LRRC7: variants seen among roughly 807,000 people sequenced by gnomAD.
LRRC7 encodes leucine-rich repeat-containing protein 7.
Under a neutral mutation model 175.7 loss-of-function variants are expected in LRRC7, and 23 were observed. The ratio of observed to expected loss-of-function variants is 0.13; its 90% CI spans 0.09 to 0.19. LRRC7 has a LOEUF of 0.19. LRRC7 is among the 10% of genes least tolerant of loss of function. LRRC7 has a pLI of 1.00. For synonymous variants in LRRC7, 685 were observed against 680.9 expected, an observed-to-expected ratio of 1.01 and a Z score of -0.09; for missense variants, 1,354 against 1,904.7, an observed-to-expected ratio of 0.71 and a Z score of 5.38.
At chr1:69,907,401 C>T (rs891898120) in intron 7 of LRRC7, among the ~76,000 whole-genome samples, 24 of 152,134 alleles carry the variant, frequency 1.6e-4, no homozygotes, top group African/African-American at 5.6e-4. Context: ...GTGGGTTTGT[C>T]ATAGATAGCT....
intron 1 of LRRC7, among the ~76,000 whole-genome samples, chr1:69,612,623 T>C (rs1231323701): frequency 6.6e-6 from 1 of 152,030 alleles, no homozygotes; most frequent in African/African-American, 2.4e-5. Flanking sequence ...TGAAGGAACA[T>C]GTAAGGAATT....
At chr1:69,781,924 G>GAAAGAAAGAA (rs776891138) in intron 3 of LRRC7, among the ~76,000 whole-genome samples, 3,916 of 139,386 alleles carry the variant, frequency 0.028, 288 homozygotes, top group African/African-American at 0.1. Context: ...AAGAAAGAAA[G>GAAAGAAAGAA]AAAGAAAGAA....
intron 24 of LRRC7, among the ~76,000 whole-genome samples, chr1:70,078,786 A>G (rs1357046679): frequency 1.3e-5 from 2 of 148,474 alleles, no homozygotes; most frequent in Admixed American, 6.7e-5. Flanking sequence ...ATACAGTTCT[A>G]CATATACGCG....
chr1:69,892,312 A>G (rs1428165955), intron 7 of LRRC7, among the ~76,000 whole-genome samples: 1 of 152,186 alleles, frequency 6.6e-6, no homozygotes, highest in Non-Finnish European at 1.5e-5. Context: ...AAAAGTGGAA[A>G]GGTAGGGTGA....
Position 69,592,064 on chromosome 1 carries a change from G to A in LRRC7, c.2+23423G>A, listed in dbSNP as rs577447485. Among the ~76,000 whole-genome samples, 5 of 152,094 alleles carry A rather than the reference G, an allele frequency of 3.3e-5. No homozygotes were observed. In the South Asian group the frequency reaches 6.2e-4, roughly 19 times the overall value. On this transcript the variant is annotated intron_variant, in intron 1 of 26. Coordinates refer to ENST00000651989, the MANE Select transcript of LRRC7 (RefSeq NM_001370785.2). ...CCTTATAGTCTACAGGAGAATAAAG[G>A]CAATTACATTACTTTGTGCTGCTTG...
intron 11 of LRRC7, among the ~76,000 whole-genome samples, chr1:69,999,154 G>A (rs2101923861): frequency 6.6e-6 from 1 of 152,318 alleles, no homozygotes; most frequent in East Asian, 1.9e-4. Context: ...CCTGGTAGTT[G>A]AATTGTAAAT....
At chr1:69,677,010 C>T (rs188239783) in intron 1 of LRRC7, among the ~76,000 whole-genome samples, 18 of 151,996 alleles carry the variant, frequency 1.2e-4, no homozygotes, top group African/African-American at 4.3e-4. Context: ...TTAGTTCTTA[C>T]ACTTAAAAGT....
In LRRC7 at chr1:70,036,250, A is replaced by G. The variant is rs201997047; in HGVS notation, c.2107+18A>G. 3.1e-4 allele frequency: 491 copies of G among 1,586,502 alleles called. 6 individuals are homozygous for G. The South Asian group carries it at 4.8e-3, about 16-fold the overall frequency. On this transcript the variant is annotated intron_variant, in intron 19 of 26. Transcript: ENST00000651989. ...CAAAAAAGGTAACACTGTGAACCCAATGTGGAAAATATGCTACAAATGCAT... is the reference window on the plus strand; with the variant it reads ...CAAAAAAGGTAACACTGTGAACCCAGTGTGGAAAATATGCTACAAATGCAT...
chr1:69,740,361 C>T (rs1668580822), intron 2 of LRRC7, among the ~76,000 whole-genome samples: 1 of 152,024 alleles, frequency 6.6e-6, no homozygotes, highest in African/African-American at 2.4e-5. Flanking sequence ...TTCCTTCTTC[C>T]TCTACTTATA....
At chr1:69,876,176 T>A (rs12119487) in intron 7 of LRRC7, among the ~76,000 whole-genome samples, 4,128 of 152,226 alleles carry the variant, frequency 0.027, 87 homozygotes, top group Non-Finnish European at 0.041. Flanking sequence ...ATTTCATAAC[T>A]GTATTCTACC....
chr1:70,044,511 T>A (rs1660179435), intron 22 of LRRC7, among the ~76,000 whole-genome samples: 1 of 152,198 alleles, frequency 6.6e-6, no homozygotes, highest in Non-Finnish European at 1.5e-5. Flanking sequence ...GGATTTCAAC[T>A]GATTCTTTTG....
intron 5 of LRRC7, among the ~76,000 whole-genome samples, chr1:69,827,859 A>G (rs1404857754): frequency 1.3e-5 from 2 of 152,188 alleles, no homozygotes. Flanking sequence ...GATTAATTCT[A>G]TTTAGGTGTA....
chr1:69,579,794 CTTTTT>C (rs71242784), intron 1 of LRRC7, among the ~76,000 whole-genome samples: 2 of 127,180 alleles, frequency 1.6e-5, no homozygotes, highest in African/African-American at 6.1e-5. Context: ...TGAATAGAAG[CTTTTT>C]TTTTTTTTTT....
intron 18 of LRRC7, among the ~76,000 whole-genome samples, chr1:70,035,741 A>G (rs1343231921): frequency 6.6e-6 from 1 of 152,130 alleles, no homozygotes; most frequent in South Asian, 2.1e-4. Context: ...TGTGTGAATC[A>G]TACTGCTCAT....
intron 8 of LRRC7, among the ~76,000 whole-genome samples, chr1:69,950,831 C>T (rs1467828051): frequency 6.6e-6 from 1 of 151,958 alleles, no homozygotes; most frequent in Non-Finnish European, 1.5e-5. Context: ...GAGAAATAAT[C>T]TGCTATGTTG....
At chr1:69,658,697 A>T (rs1299194276) in intron 1 of LRRC7, among the ~76,000 whole-genome samples, 2 of 152,102 alleles carry the variant, frequency 1.3e-5, no homozygotes, top group African/African-American at 4.8e-5. Flanking sequence ...ACAAGAAACC[A>T]TAAAAGGAAC....
At chr1:69,721,772 A>G (rs1666377568) in intron 2 of LRRC7, among the ~76,000 whole-genome samples, 1 of 151,904 alleles carries the variant, frequency 6.6e-6, no homozygotes, top group Admixed American at 6.6e-5. Context: ...CATTTCTCAA[A>G]GGATATATAC....
At chr1:69,974,919 AC>A (rs1423076975) in intron 8 of LRRC7, among the ~76,000 whole-genome samples, 2 of 152,290 alleles carry the variant, frequency 1.3e-5, no homozygotes, top group East Asian at 3.9e-4. Context: ...TAGCCAGAAG[AC>A]CTGAGCAGCA....
intron 7 of LRRC7, among the ~76,000 whole-genome samples, chr1:69,914,051 T>C (rs1183238858): frequency 1.3e-5 from 2 of 152,116 alleles, no homozygotes; most frequent in Non-Finnish European, 2.9e-5. Context: ...TTTTTAAGTG[T>C]CATTAAGAGA....
Sources: allele counts gnomAD v4.1 joint callset (sites outside exome capture counted in the v4.1 genomes callset), GRCh38; gene constraint gnomAD v4.1.1; transcripts MANE v1.5; gene names NCBI Gene and HGNC (gene_info 2026-07-23, HGNC 2026-07-21).